DLC1: variants seen among roughly 807,000 people sequenced by gnomAD.
The protein encoded by DLC1 is DLC1 Rho GTPase activating protein.
A neutral mutation model predicts 140.3 loss-of-function variants in DLC1; 54 were observed. That is an observed-to-expected ratio of 0.38 (90% CI 0.31 to 0.48). The LOEUF (loss-of-function observed/expected upper bound fraction) is 0.48. DLC1 is among the 20% of genes least tolerant of loss of function. The pLI, the probability that DLC1 is intolerant of heterozygous loss-of-function variation, is 0.96. For synonymous variants in DLC1, 986 were observed against 728.1 expected (o/e 1.35, Z -5.70); for missense variants, 2,536 against 1,907.0 (o/e 1.33, Z -6.14).
At chr8:13,518,321 G>C (rs1167829560), upstream of DLC1, among the ~76,000 whole-genome samples, 1 of 152,088 alleles carries the variant, frequency 6.6e-6, no homozygotes, top group Non-Finnish European at 1.5e-5. Flanking sequence ...GTTGGCCAGG[G>C]TGGTCTTAAA....
chr8:13,256,013 A>G lies in DLC1; in HGVS notation c.1348+49256T>C, dbSNP rs190461288. On this transcript the variant is annotated intron_variant, in intron 5 of 17. Transcript: ENST00000276297. The stretch of plus-strand genomic sequence containing the variant: ...TTGGGTTTGAAGAAAATTTAGAGAT[A>G]ACATAATTTAACCCCATCTCTACAG... Among the ~76,000 whole-genome samples the G allele has an allele frequency of 3.4e-3, 521 of 152,328 alleles. 1 individual carries two copies. Among genetic ancestry groups the G allele is most frequent in the African/African-American group, 0.012 (511 of 41,566 alleles).
chr8:13,141,889 C>A (rs559864138), intron 5 of DLC1, among the ~76,000 whole-genome samples: 1 of 152,272 alleles, frequency 6.6e-6, no homozygotes, highest in Admixed American at 6.5e-5. Context: ...ATAGACCTAG[C>A]AACAAGGCTT....
chr8:13,392,000 T>C (rs1836784828), intron 4 of DLC1, among the ~76,000 whole-genome samples: 1 of 152,198 alleles, frequency 6.6e-6, no homozygotes, highest in Admixed American at 6.5e-5. Context: ...AATCAGAATA[T>C]GGTAAAATGA....
In DLC1 at chr8:13,139,719, G is replaced by A. The variant is rs139783038; in HGVS notation, c.1349-24062C>T. Among the ~76,000 whole-genome samples the A allele has an allele frequency of 8.2e-3, 1,246 of 152,294 alleles. 5 individuals carry two copies. Among genetic ancestry groups the A allele is most frequent in the South Asian group, 0.015 (71 of 4,824 alleles). ...CCAGAAAATGAACCCAAAAGTTCTG[G>A]CTTCCAGCCCCAACATCCATTTGGT... is the stretch of plus-strand genomic sequence containing the variant. On this transcript the variant is annotated intron_variant, in intron 5 of 17. Coordinates refer to ENST00000276297, the MANE Select transcript of DLC1 (RefSeq NM_182643.3).
At chr8:13,360,683 T>C (rs1165699205) in intron 4 of DLC1, among the ~76,000 whole-genome samples, 1 of 152,176 alleles carries the variant, frequency 6.6e-6, no homozygotes, top group Non-Finnish European at 1.5e-5. Context: ...TTTTTTTCTT[T>C]TATAAATAAT....
intron 2 of DLC1, among the ~76,000 whole-genome samples, chr8:13,480,747 T>C (rs961290529): frequency 6.6e-6 from 1 of 151,844 alleles, no homozygotes; most frequent in Admixed American, 6.6e-5. Context: ...CTACTAAAAG[T>C]ATAAAAAATT....
At chr8:13,280,686 C>A (rs1243256121) in intron 5 of DLC1, among the ~76,000 whole-genome samples, 1 of 152,138 alleles carries the variant, frequency 6.6e-6, no homozygotes, top group Non-Finnish European at 1.5e-5. Flanking sequence ...TAACATAAAT[C>A]CACTTTGGTC....
At chr8:13,284,941 G>A (rs929270913) in intron 5 of DLC1, among the ~76,000 whole-genome samples, 1 of 152,174 alleles carries the variant, frequency 6.6e-6, no homozygotes, top group African/African-American at 2.4e-5. Context: ...TTGCTAGGTT[G>A]TTAATTCTTC....
In DLC1 at chr8:13,438,319, G is replaced by T. The variant is rs986293896; in HGVS notation, c.1024-36700C>A. Among the ~76,000 whole-genome samples the T allele has an allele frequency of 5.3e-5, 8 of 152,262 alleles. 1 individual carries two copies. The South Asian group carries it at 1.7e-3, about 32-fold the overall frequency. ...TCTTATGGCCCTTGCTGATGGACAG[G>T]TGCTTAATCAATAGTATTTTTGTAA... On this transcript the variant is annotated intron_variant, in intron 2 of 17. Transcript: ENST00000276297.
At chr8:13,089,655 T>G (rs548759700) in intron 15 of DLC1, among the ~76,000 whole-genome samples, 1 of 151,962 alleles carries the variant, frequency 6.6e-6, no homozygotes, top group Non-Finnish European at 1.5e-5. Flanking sequence ...AACAAAAACA[T>G]CAGACATTTG....
intron 7 of DLC1, among the ~76,000 whole-genome samples, chr8:13,108,124 A>C (rs1819742569): frequency 6.6e-6 from 1 of 152,196 alleles, no homozygotes; most frequent in Non-Finnish European, 1.5e-5. Context: ...ACATTTGTTT[A>C]GGCCTCTCGA....
chr8:13,485,115 C>G (rs1465881220), intron 2 of DLC1, among the ~76,000 whole-genome samples: 1 of 152,102 alleles, frequency 6.6e-6, no homozygotes, highest in African/African-American at 2.4e-5. Context: ...ATCTTTGGTA[C>G]TTTAAACATG....
At chr8:13,394,546 G>A (rs207468946) in intron 3 of DLC1, among the ~76,000 whole-genome samples, 1 of 152,280 alleles carries the variant, frequency 6.6e-6, no homozygotes, top group East Asian at 1.9e-4. Context: ...GTTGCACAGA[G>A]GAAAGGTGGG....
intron 5 of DLC1, among the ~76,000 whole-genome samples, chr8:13,195,382 C>T (rs915406727): frequency 2.0e-5 from 3 of 152,126 alleles, no homozygotes; most frequent in Admixed American, 6.5e-5. Flanking sequence ...TAGCAACAGC[C>T]GCATCGACAT....
At chr8:13,545,435 C>T (rs191572839) in intron 1 of DLC1, among the ~76,000 whole-genome samples, 1 of 152,046 alleles carries the variant, frequency 6.6e-6, no homozygotes, top group Admixed American at 6.6e-5. Context: ...TCTTTGCCGG[C>T]CAATATTCAC....
At chr8:13,422,400 T>G (rs1290516078) in intron 2 of DLC1, among the ~76,000 whole-genome samples, 2 of 150,994 alleles carry the variant, frequency 1.3e-5, no homozygotes, top group East Asian at 3.9e-4. Flanking sequence ...ATTCAGAGAT[T>G]GCTTTTTTTT....
chr8:13,119,814 C>A (rs1486834421), intron 5 of DLC1, among the ~76,000 whole-genome samples: 1 of 151,582 alleles, frequency 6.6e-6, no homozygotes, highest in African/African-American at 2.4e-5. Context: ...GAAAAAAGAG[C>A]TTTCTGCCTG....
chr8:13,253,193 C>G (rs1228050675), intron 5 of DLC1, among the ~76,000 whole-genome samples: 1 of 152,140 alleles, frequency 6.6e-6, no homozygotes, highest in African/African-American at 2.4e-5. Context: ...GAAGTGAAAT[C>G]AGTTAAAAAT....
At chr8:13,576,730 A>G (rs1804850413) in intron 1 of DLC1, among the ~76,000 whole-genome samples, 2 of 152,084 alleles carry the variant, frequency 1.3e-5, no homozygotes, top group South Asian at 4.1e-4. Flanking sequence ...TCCCCAGAGT[A>G]GGGTATGATC....
Sources: gnomAD v4.1 joint callset for allele counts (sites outside exome capture counted in the v4.1 genomes callset) on GRCh38, gnomAD v4.1.1 for gene constraint, MANE v1.5 for transcripts, NCBI Gene and HGNC (gene_info 2026-07-23, HGNC 2026-07-21) for gene names.